Variants in ITCH observed in about 807,000 individuals in gnomAD.
The protein encoded by ITCH is E3 ubiquitin-protein ligase Itchy homolog.
A neutral mutation model predicts 126.8 loss-of-function variants in ITCH; 28 were observed. The observed-to-expected ratio is 0.22, with a 90% CI of 0.16 to 0.30. The LOEUF is 0.30. ITCH is among the 10% of genes least tolerant of loss of function. The pLI is 1.00. For synonymous variants in ITCH, 342 were observed against 340.0 expected (o/e 1.01, Z -0.06); for missense variants, 631 against 1,032.4 (o/e 0.61, Z 5.33).
chr20:34,464,800 G>A lies in ITCH; in HGVS notation c.1424+2579G>A, dbSNP rs142745077. Among the ~76,000 whole-genome samples, 448 of 151,532 alleles carry A rather than the reference G, an allele frequency of 3.0e-3. 4 individuals carry two copies. The highest frequency in any genetic ancestry group is 5.1e-3 in the Non-Finnish European group (344 of 67,894). On this transcript the variant is annotated intron_variant, in intron 14 of 24. Transcript: ENST00000374864. ...ATCTCAGCTCACTGCAACCTCTACC[G>A]CCTGGGTTGAAGCGATTCTTTTGCC...
chr20:34,373,891 T>A (rs2037735732), intron 2 of ITCH, among the ~76,000 whole-genome samples: 1 of 152,020 alleles, frequency 6.6e-6, no homozygotes, highest in South Asian at 2.1e-4. Flanking sequence ...ATTTTTTTTT[T>A]TTATTTTTTT....
chr20:34,481,032 G>A (rs768170769), intron 19 of ITCH, 34 bp from the exon 20 acceptor site: 12 of 1,606,176 alleles, frequency 7.5e-6, no homozygotes, highest in Admixed American at 3.3e-5. Flanking sequence ...TGAATTGGTG[G>A]ATATAACAAA....
At chr20:34,456,837 C>T (rs2146353969) in intron 12 of ITCH, among the ~76,000 whole-genome samples, 1 of 151,600 alleles carries the variant, frequency 6.6e-6, no homozygotes, top group South Asian at 2.1e-4. Context: ...TTGCCTTGGC[C>T]TCCCAAAGTG....
intron 5 of ITCH, among the ~76,000 whole-genome samples, chr20:34,412,850 ATATT>A (rs1376178154): frequency 6.6e-6 from 1 of 152,172 alleles, no homozygotes; most frequent in African/African-American, 2.4e-5. Flanking sequence ...TTTTTAGTAA[ATATT>A]TATTTACTTA....
At chr20:34,377,731 G>A (rs1167019573) in intron 2 of ITCH, among the ~76,000 whole-genome samples, 1 of 152,036 alleles carries the variant, frequency 6.6e-6, no homozygotes, top group Non-Finnish European at 1.5e-5. Context: ...TGGGCATGGT[G>A]GCGTGTGCAC....
At chr20:34,460,198 TTG>T (rs1986379134) in intron 13 of ITCH, among the ~76,000 whole-genome samples, 1 of 152,072 alleles carries the variant, frequency 6.6e-6, no homozygotes, top group South Asian at 2.1e-4. Flanking sequence ...GTTGTTGTTG[TTG>T]TTGTTTGAGA....
chr20:34,448,494 G>GGA (rs1264528906), intron 11 of ITCH, among the ~76,000 whole-genome samples: 1 of 152,096 alleles, frequency 6.6e-6, no homozygotes, highest in Non-Finnish European at 1.5e-5. Flanking sequence ...ACAAAGAACA[G>GGA]GAGAAAAGAG....
At chr20:34,391,451 G>A (rs966753682) in intron 2 of ITCH, among the ~76,000 whole-genome samples, 4 of 152,066 alleles carry the variant, frequency 2.6e-5, no homozygotes, top group Non-Finnish European at 4.4e-5. Context: ...TTGTTCTGCA[G>A]CTTTAAAGAT....
chr20:34,504,691 T>C (rs991383237), intron 24 of ITCH, among the ~76,000 whole-genome samples: 1 of 152,210 alleles, frequency 6.6e-6, no homozygotes, highest in African/African-American at 2.4e-5. Flanking sequence ...CTTTCTAACA[T>C]CATGACCACA....
intron 16 of ITCH, among the ~76,000 whole-genome samples, chr20:34,476,963 A>G (rs190267883): frequency 2.0e-5 from 3 of 152,248 alleles, no homozygotes; most frequent in African/African-American, 7.2e-5. Flanking sequence ...TGATCCTATT[A>G]ACCACCTATA....
At chr20:34,433,374 C>CT in intron 7 of ITCH, among the ~76,000 whole-genome samples, 1 of 152,280 alleles carries the variant, frequency 6.6e-6, no homozygotes, top group Non-Finnish European at 1.5e-5. Context: ...ATTCTGCAGT[C>CT]TGTCTAAAAG....
intron 12 of ITCH, among the ~76,000 whole-genome samples, chr20:34,451,411 G>C (rs1481216112): frequency 6.6e-6 from 1 of 151,940 alleles, no homozygotes; most frequent in Non-Finnish European, 1.5e-5. Context: ...AGAGAGTCGA[G>C]ATCACACTAT....
intron 23 of ITCH, among the ~76,000 whole-genome samples, chr20:34,496,593 G>T (rs1309359412): frequency 3.3e-5 from 5 of 151,964 alleles, no homozygotes; most frequent in African/African-American, 1.2e-4. Flanking sequence ...ATCACCTGAG[G>T]TCGGGAGTTC....
chr20:34,447,881 A>G (rs1984659381), intron 11 of ITCH, among the ~76,000 whole-genome samples: 1 of 152,188 alleles, frequency 6.6e-6, no homozygotes, highest in Non-Finnish European at 1.5e-5. Flanking sequence ...GGCCGGTGAC[A>G]TGGGGTTGTA....
In ITCH at chr20:34,393,703, T is replaced by C; in HGVS notation, c.-21-88T>C. The C allele has an allele frequency of 6.0e-6, 5 of 829,328 alleles. No individual in the cohort carries two copies. In the South Asian group the frequency reaches 6.7e-5, roughly 11 times the overall value. The allele number at this position is 829,328 out of a possible 1,614,324, so 51.4% of individuals were successfully genotyped here. On this transcript the variant is annotated intron_variant, in intron 2 of 24. Transcript: ENST00000374864. Reference sequence around the variant, plus strand: ...TGTAAAGGCCTTTGTTACATGGTCTTCAGTAATAAATAGCCAGGTTAGCAC... The same window carrying C: ...TGTAAAGGCCTTTGTTACATGGTCTCCAGTAATAAATAGCCAGGTTAGCAC...
At chr20:34,495,008 T>C (rs1396480130) in intron 23 of ITCH, among the ~76,000 whole-genome samples, 1 of 151,420 alleles carries the variant, frequency 6.6e-6, no homozygotes, top group African/African-American at 2.4e-5. Context: ...TCCCAGCACG[T>C]TGGGAGGCCG....
intron 3 of ITCH, among the ~76,000 whole-genome samples, chr20:34,396,317 A>G (rs2038674794): frequency 6.6e-6 from 1 of 152,072 alleles, no homozygotes; most frequent in African/African-American, 2.4e-5. Flanking sequence ...TACAGGCGTG[A>G]GCCACTGCAC....
At chr20:34,490,075 A>C (rs1162604203) in intron 22 of ITCH, 149 bp downstream of exon 22, 4 of 673,492 alleles carry the variant, frequency 5.9e-6, no homozygotes, top group Non-Finnish European at 5.4e-6. Context: ...ACAGATTATA[A>C]CAGCATCCTT....
intron 23 of ITCH, among the ~76,000 whole-genome samples, chr20:34,495,327 A>G (rs373905660): frequency 6.3e-5 from 9 of 143,154 alleles, no homozygotes; most frequent in Non-Finnish European, 1.1e-4. Flanking sequence ...ACACACGCAC[A>G]CACACACACG....
Sources: allele counts gnomAD v4.1 joint callset (sites outside exome capture counted in the v4.1 genomes callset), GRCh38; gene constraint gnomAD v4.1.1; transcripts MANE v1.5; gene names NCBI Gene and HGNC (gene_info 2026-07-23, HGNC 2026-07-21).